RSF1: variants seen among roughly 807,000 people sequenced by gnomAD.
RSF1 encodes remodeling and spacing factor 1.
RSF1 carries 13 observed loss-of-function variants against 145.2 expected under a neutral mutation model. The ratio of observed to expected loss-of-function variants is 0.09; its 90% CI spans 0.06 to 0.14. The LOEUF (loss-of-function observed/expected upper bound fraction) is 0.14. Among genes scored for constraint, RSF1 ranks in the 10% least tolerant of loss-of-function variants. The pLI is 1.00. For synonymous variants in RSF1, 577 were observed against 592.6 expected (o/e 0.97, Z 0.38); for missense variants, 1,517 against 1,718.2 (o/e 0.88, Z 2.07).
At chr11:77,717,704 G>A (rs1960849006) in intron 5 of RSF1, 2 of 152,128 alleles carry the variant, frequency 1.3e-5, no homozygotes, top group South Asian at 4.1e-4. Context: ...CCATGACAAT[G>A]CCATGTTCCA....
chr11:77,855,842 G>A, the RSF1 span, among the ~76,000 whole-genome samples: 1 of 149,686 alleles, frequency 6.7e-6, no homozygotes, highest in African/African-American at 2.5e-5. Flanking sequence ...GCTCATCCCT[G>A]TAATCCCAGC....
the RSF1 span, among the ~76,000 whole-genome samples, chr11:77,837,178 C>T: frequency 3.2e-4 from 49 of 152,252 alleles, 1 homozygote; most frequent in African/African-American, 1.1e-3. Flanking sequence ...CTCTGTCACC[C>T]AGGCTGGAGT....
the RSF1 span, among the ~76,000 whole-genome samples, chr11:77,849,755 T>C: frequency 1.3e-5 from 2 of 152,242 alleles, no homozygotes; most frequent in Admixed American, 6.5e-5. Context: ...CTTCCAAACC[T>C]GTCATGATCT....
intron 10 of RSF1, among the ~76,000 whole-genome samples, chr11:77,684,870 C>T (rs763546533): frequency 2.0e-5 from 3 of 151,978 alleles, no homozygotes; most frequent in Non-Finnish European, 2.9e-5. Context: ...ACCTGTAATC[C>T]CAGCTACTCA....
intron 1 of RSF1, among the ~76,000 whole-genome samples, chr11:77,801,981 C>CAG (rs942778450): frequency 6.6e-6 from 1 of 151,880 alleles, no homozygotes; most frequent in Non-Finnish European, 1.5e-5. Flanking sequence ...GCCTGGGCAA[C>CAG]AGAGAGAGAC....
At chr11:77,840,778 TG>T in the RSF1 span, among the ~76,000 whole-genome samples, 4 of 152,106 alleles carry the variant, frequency 2.6e-5, no homozygotes, top group Non-Finnish European at 4.4e-5. Flanking sequence ...TGTAATTTTT[TG>T]TTGAAGAGTG....
At chr11:77,715,034 G>C (rs1960774150) in intron 5 of RSF1, among the ~76,000 whole-genome samples, 1 of 152,054 alleles carries the variant, frequency 6.6e-6, no homozygotes, top group Non-Finnish European at 1.5e-5. Flanking sequence ...TCAGGTAGGA[G>C]GATTGCTGGA....
intron 5 of RSF1, among the ~76,000 whole-genome samples, chr11:77,706,975 T>C (rs915882991): frequency 6.6e-6 from 1 of 152,206 alleles, no homozygotes; most frequent in Non-Finnish European, 1.5e-5. Context: ...TATTATATTA[T>C]AGGCAAGATC....
intron 9 of RSF1, 105 bp downstream of exon 9, chr11:77,691,053 GC>G: frequency 9.3e-7 from 1 of 1,076,526 alleles, no homozygotes; most frequent in Non-Finnish European, 1.4e-6. Flanking sequence ...TGGCCCACAG[GC>G]CACAGTATGC....
the RSF1 span, chr11:77,869,094 G>T: frequency 3.5e-6 from 1 of 284,490 alleles, no homozygotes. Context: ...CTGTCTCATA[G>T]ATTCACATGT....
At chr11:77,804,148 C>T (rs1948654329) in intron 1 of RSF1, among the ~76,000 whole-genome samples, 1 of 152,162 alleles carries the variant, frequency 6.6e-6, no homozygotes, top group African/African-American at 2.4e-5. Flanking sequence ...GGTGACATGC[C>T]CTGATTCTAC....
chr11:77,808,295 G>A (rs930525299), intron 1 of RSF1, among the ~76,000 whole-genome samples: 1 of 151,974 alleles, frequency 6.6e-6, no homozygotes, highest in Non-Finnish European at 1.5e-5. Context: ...TCATGCCACT[G>A]CACTGCAGCC....
At chr11:77,717,627 T>C (rs1960847098) in intron 5 of RSF1, 1 of 152,366 alleles carries the variant, frequency 6.6e-6, no homozygotes, top group South Asian at 2.1e-4. Flanking sequence ...AAATACTGTG[T>C]TGTGTAGCTC....
At chr11:77,719,644 A>G (rs1960898774) in intron 5 of RSF1, among the ~76,000 whole-genome samples, 1 of 152,370 alleles carries the variant, frequency 6.6e-6, no homozygotes, top group Admixed American at 6.5e-5. Context: ...AAAAATTTGT[A>G]TATTAACATT....
chr11:77,665,080 T>G lies in RSF1; in HGVS notation c.*1837A>C, dbSNP rs1959328374. The G allele has an allele frequency of 6.6e-6, 1 of 151,996 alleles. No homozygotes were observed. 9.4% of individuals were successfully genotyped at this position (151,996 alleles called of 1,614,324 possible). On this transcript the variant is annotated 3_prime_UTR_variant, in exon 16 of 16. Coordinates refer to ENST00000308488, the MANE Select transcript of RSF1 (RefSeq NM_016578.4). ...GAAACAAAACAAAACAACGAACAAC[T>G]GAAAAACAATAGCTATAAACTTTCA...
chr11:77,672,159 T>C lies in RSF1; in HGVS notation c.3634A>G (p.Lys1212Glu). 1 of 1,613,960 alleles carries C rather than the reference T, an allele frequency of 6.2e-7. No individual in the cohort carries two copies. Among genetic ancestry groups the C allele is most frequent in the South Asian group, 1.1e-5 (1 of 90,980 alleles). The change falls in exon 15 of 16, where the codon AAA becomes GAA. Residue 1212 changes from lysine (K) to glutamate (E), a missense_variant. Physicochemically the swap from Lys to Glu is moderately conservative, Grantham distance 56 (BLOSUM62 1). This residue lies in a region of RSF1 where 9 missense variants were observed against 23.0 expected (regional missense o/e 0.39). Transcript: ENST00000308488. ...TRRRRSRRNQKRQINYKEDSE... is the reference protein window; with the variant it reads ...TRRRRSRRNQERQINYKEDSE... ...TCTTCTTTGTAGTTAATTTGTCTTT[T>C]CTGATTTCTCCTTGACCGCCTTCGC...
At chr11:77,844,354 T>A in the RSF1 span, among the ~76,000 whole-genome samples, 1 of 151,974 alleles carries the variant, frequency 6.6e-6, no homozygotes, top group Non-Finnish European at 1.5e-5. Flanking sequence ...TTTTTTACAG[T>A]TTTTTCTTTC....
intron 9 of RSF1, among the ~76,000 whole-genome samples, chr11:77,686,408 C>CAAAGAAAAAAAAAA (rs1960006227): frequency 2.7e-5 from 1 of 37,132 alleles, no homozygotes; most frequent in Non-Finnish European, 4.7e-5. Context: ...GACCCTGTCT[C>CAAAGAAAAAAAAAA]AAAAAAAAAA....
At chr11:77,778,207 AGG>A (rs1948366331) in intron 1 of RSF1, among the ~76,000 whole-genome samples, 6 of 15,860 alleles carry the variant, frequency 3.8e-4, no homozygotes, top group Admixed American at 8.1e-4. Flanking sequence ...GGAAGGGGAG[AGG>A]ATGGGGAGGG....
Sources: allele counts gnomAD v4.1 joint callset (sites outside exome capture counted in the v4.1 genomes callset), GRCh38; gene constraint gnomAD v4.1.1; regional missense constraint gnomAD v4.1.1; transcripts MANE v1.5; gene names NCBI Gene and HGNC (gene_info 2026-07-23, HGNC 2026-07-21).